Variants in ETF1 observed in about 807,000 individuals in gnomAD.
ETF1 encodes eukaryotic peptide chain release factor subunit 1.
Under a neutral mutation model 55.1 loss-of-function variants are expected in ETF1, and 4 were observed. That is an observed-to-expected ratio of 0.07 (90% CI 0.04 to 0.17). The LOEUF is 0.17. Among genes scored for constraint, ETF1 ranks in the 10% least tolerant of loss-of-function variants. The probability of loss-of-function intolerance (pLI) is 1.00; values close to 1 mark genes in which losing one functional copy is unlikely to be tolerated. For missense variants in ETF1, 142 were observed against 523.6 expected (o/e 0.27, Z 7.11); for synonymous variants, 157 against 182.3 (o/e 0.86, Z 1.12).
At chr5:138,509,093 T>C in intron 9 of ETF1, 1 of 985,270 alleles carries the variant, frequency 1.0e-6, no homozygotes, top group Non-Finnish European at 1.2e-6. Context: ...TGATTCCTAC[T>C]GTTGACTCTA....
At chr5:138,539,423 T>C (rs1766083278) in intron 2 of ETF1, among the ~76,000 whole-genome samples, 1 of 152,364 alleles carries the variant, frequency 6.6e-6, no homozygotes, top group South Asian at 2.1e-4. Context: ...AACCACAGTA[T>C]TGGTTTATGT....
intron 2 of ETF1, among the ~76,000 whole-genome samples, chr5:138,519,976 T>C (rs993343811): frequency 1.7e-4 from 25 of 146,672 alleles, no homozygotes; most frequent in African/African-American, 6.4e-4. Flanking sequence ...ACTTGTTAAA[T>C]GCGTATCTCA....
Position 138,517,686 on chromosome 5 carries a change from G to T in ETF1, c.277C>A (p.Leu93Met). 6.6e-7 allele frequency: 1 copy of T among 1,515,248 alleles called. No homozygotes were observed. Among genetic ancestry groups the T allele is most frequent in the Non-Finnish European group, 8.9e-7 (1 of 1,118,646 alleles). 93.9% of individuals were successfully genotyped at this position (1,515,248 alleles called of 1,614,324 possible). ...ACAATTGTTCCACAGTATACAACCA[G>T]ACCATTTGGAGGTACTGCAAAGAAC... is the stretch of plus-strand genomic sequence containing the variant. ...KLYNKVPPNG[L>M]VVYCGTIVTE... The change falls in exon 4 of 11, where the codon CTG becomes ATG. Residue 93 changes from leucine (L) to methionine (M), a missense_variant. Around this residue, in one of 5 missense-constraint regions of ETF1, gnomAD observed 14 missense variants for 22.3 expected, o/e 0.63. Coordinates refer to ENST00000360541, the MANE Select transcript of ETF1 (RefSeq NM_004730.4).
At chr5:138,517,464 A>C (rs1765069004) in intron 4 of ETF1, 97 bp downstream of exon 4, 1 of 552,478 alleles carries the variant, frequency 1.8e-6, no homozygotes, top group East Asian at 3.1e-5. Context: ...GTTGCCTAGA[A>C]TGAGACAGGT....
At chr5:138,532,710 G>A (rs1765754258) in intron 2 of ETF1, among the ~76,000 whole-genome samples, 1 of 152,134 alleles carries the variant, frequency 6.6e-6, no homozygotes, top group South Asian at 2.1e-4. Context: ...ATCTTCCACA[G>A]AACAAAAGAG....
In ETF1 at chr5:138,524,611, C is replaced by G. The variant is rs219291; in HGVS notation, c.87-5744G>C. On this transcript the variant is annotated intron_variant, in intron 2 of 10. Coordinates refer to ENST00000360541, the MANE Select transcript of ETF1 (RefSeq NM_004730.4). ...TTTTTTTTTTTGAGACAGAGTCTTG[C>G]TCTGTCACCAGGCTGCAGTGCAGTG... Among the ~76,000 whole-genome samples the G allele has an allele frequency of 5.4e-3, 710 of 131,914 alleles. 9 individuals carry two copies. Among genetic ancestry groups the G allele is most frequent in the African/African-American group, 0.018 (646 of 35,524 alleles). 86.5% of individuals were successfully genotyped at this position (131,914 alleles called of 152,430 possible).
rs1764598137 is a variant in ETF1, at chr5:138,507,431, A to C, written c.*874T>G. On this transcript the variant is annotated 3_prime_UTR_variant, in exon 11 of 11. Transcript: ENST00000360541. ...CCAAGCAAAATAAAATCCTCTTTAA[A>C]TTTCTTCGCTTCCACTTAAATTGCA... 1 of 152,626 alleles carries C rather than the reference A, an allele frequency of 6.6e-6. No individual in the cohort carries two copies. Among genetic ancestry groups the C allele is most frequent in the Non-Finnish European group, 1.5e-5 (1 of 68,044 alleles). 9.5% of individuals were successfully genotyped at this position (152,626 alleles called of 1,614,324 possible).
intron 2 of ETF1, among the ~76,000 whole-genome samples, chr5:138,532,395 C>T (rs536536297): frequency 2.6e-5 from 4 of 152,310 alleles, no homozygotes; most frequent in African/African-American, 9.6e-5. Flanking sequence ...GGGTCTGTTT[C>T]TACTTACTTC....
intron 6 of ETF1, among the ~76,000 whole-genome samples, chr5:138,512,228 ATAT>A (rs1764825761): frequency 1.9e-4 from 4 of 20,620 alleles, no homozygotes; most frequent in African/African-American, 8.8e-4. Flanking sequence ...AAAAAAAAAT[ATAT>A]ATATATATAT....
rs199800503 is a variant in ETF1 at position 138,513,528 on chromosome 5, G to T, written c.541+40C>A. On this transcript the variant is annotated intron_variant, in intron 5 of 10. Transcript: ENST00000360541. ...CCACCATACTGTTTTCTTATTGCTA[G>T]ACACAAAGTAAGTGGGTTCATGTTC... The T allele has an allele frequency of 2.3e-5, 35 of 1,517,806 alleles. No individual in the cohort carries two copies. The African/African-American group carries it at 4.4e-4, about 19-fold the overall frequency. 94.0% of individuals were successfully genotyped at this position (1,517,806 alleles called of 1,614,324 possible).
At chr5:138,531,417 C>G (rs970421894) in intron 2 of ETF1, among the ~76,000 whole-genome samples, 5 of 152,094 alleles carry the variant, frequency 3.3e-5, no homozygotes, top group Admixed American at 3.3e-4. Context: ...AAAAAACCCC[C>G]AAAACCTAAG....
chr5:138,538,489 C>A (rs1340188069), intron 2 of ETF1, among the ~76,000 whole-genome samples: 1 of 152,198 alleles, frequency 6.6e-6, no homozygotes, highest in Non-Finnish European at 1.5e-5. Flanking sequence ...CGTGCCCAGT[C>A]CTCATGTGGC....
In ETF1 at chr5:138,506,944, C is replaced by G. The variant is rs1764581507; in HGVS notation, c.*1361G>C. 1.3e-5 allele frequency: 2 copies of G among 152,550 alleles called. No homozygotes were observed. Among genetic ancestry groups the G allele is most frequent in the South Asian group, 4.1e-4 (2 of 4,830 alleles). 9.4% of individuals were successfully genotyped at this position (152,550 alleles called of 1,614,324 possible). ...GGTGATACCAATTGACTTTTAAAAC[C>G]TTTGGTCCTTCAAAGTCCATTTGGT... On this transcript the variant is annotated 3_prime_UTR_variant, in exon 11 of 11. Coordinates refer to ENST00000360541, the MANE Select transcript of ETF1 (RefSeq NM_004730.4).
intron 2 of ETF1, 55 bp from the exon 3 acceptor site, chr5:138,518,922 T>C (rs1765126268): frequency 1.3e-6 from 2 of 1,593,254 alleles, no homozygotes; most frequent in Non-Finnish European, 1.7e-6. Flanking sequence ...AGTAAACTCA[T>C]GTTTCTCTCT....
intron 3 of ETF1, 168 bp from the exon 4 acceptor site, chr5:138,517,868 A>T (rs1358448394): frequency 1.0e-6 from 1 of 985,224 alleles, no homozygotes; most frequent in Middle Eastern, 5.2e-4. Flanking sequence ...CCCTAATTTT[A>T]AAACTTCTTC....
intron 2 of ETF1, among the ~76,000 whole-genome samples, chr5:138,542,082 G>C (rs769294357): frequency 1.3e-5 from 2 of 152,244 alleles, no homozygotes; most frequent in South Asian, 4.1e-4. Context: ...AATGCCAGCA[G>C]GGACTCTGTA....
intron 2 of ETF1, among the ~76,000 whole-genome samples, chr5:138,534,063 A>C (rs1171414112): frequency 6.6e-6 from 1 of 152,238 alleles, no homozygotes; most frequent in East Asian, 1.9e-4. Flanking sequence ...TTGACCTTAG[A>C]GTCAGATGCT....
At chr5:138,517,730 T>A (rs369050352) in intron 3 of ETF1, 30 bp from the exon 4 acceptor site, 2 of 1,409,056 alleles carry the variant, frequency 1.4e-6, no homozygotes, top group African/African-American at 2.9e-5. Flanking sequence ...TTTTTCTACT[T>A]TACCCCATAT....
intron 9 of ETF1, chr5:138,509,037 T>C (rs1472908218): frequency 3.0e-6 from 3 of 985,248 alleles, no homozygotes; most frequent in Non-Finnish European, 3.6e-6. Flanking sequence ...GGCTCTACCC[T>C]CAGCTATGAA....
Sources: allele counts gnomAD v4.1 joint callset (sites outside exome capture counted in the v4.1 genomes callset), GRCh38; gene constraint gnomAD v4.1.1; regional missense constraint gnomAD v4.1.1; transcripts MANE v1.5; gene names NCBI Gene and HGNC (gene_info 2026-07-23, HGNC 2026-07-21).